The following ECE1 variants were observed in gnomAD, a reference collection of about 807,000 sequenced individuals.
ECE1 encodes the protein endothelin converting enzyme 1, also known as endothelin-converting enzyme 1.
ECE1 carries 35 observed loss-of-function variants against 98.6 expected under a neutral mutation model. The observed-to-expected ratio is 0.35, with a 90% CI of 0.27 to 0.47. The LOEUF (loss-of-function observed/expected upper bound fraction) is 0.47, where lower values mean the gene tolerates loss of function less well. Ranked by LOEUF, ECE1 falls within the 20% of genes least tolerant of loss-of-function variation. ECE1 has a pLI of 1.00. For missense variants in ECE1, 814 were observed against 1,025.3 expected, an observed-to-expected ratio of 0.79 and a Z score of 2.81; for synonymous variants, 394 against 407.1, an observed-to-expected ratio of 0.97 and a Z score of 0.39.
chr1:21,288,735 C>T (rs939819038), intron 2 of ECE1, among the ~76,000 whole-genome samples: 2 of 152,312 alleles, frequency 1.3e-5, no homozygotes, highest in Non-Finnish European at 2.9e-5. Context: ...TTCCTGCTGG[C>T]TTCAGCCTCT....
In ECE1 at chr1:21,219,240, G is replaced by C. The variant is rs3026910; in HGVS notation, c.*715C>G. 0.026 allele frequency: 3,921 copies of C among 152,744 alleles called. 87 individuals carry two copies. The highest frequency in any genetic ancestry group is 0.034 in the Non-Finnish European group (2,335 of 68,346). 9.5% of individuals were successfully genotyped at this position (152,744 alleles called of 1,614,324 possible). ...TGTTGGACTCAGGGGACGGAGGCAG[G>C]CTAGCTGAAGGGGCAGTGCCCATGA... On this transcript the variant is annotated 3_prime_UTR_variant, in exon 19 of 19. Coordinates refer to ENST00000374893, the MANE Select transcript of ECE1 (RefSeq NM_001397.3). The surrounding 1 kb of genome is among the most constrained non-coding windows in gnomAD (Gnocchi z 4.5).
chr1:21,271,070 G>A (rs895568051), intron 4 of ECE1, among the ~76,000 whole-genome samples: 1 of 152,222 alleles, frequency 6.6e-6, no homozygotes, highest in African/African-American at 2.4e-5. Flanking sequence ...GGTGGCATAA[G>A]GCAGGCAGGG....
rs1463677985 is a variant in ECE1, at chr1:21,220,470, G to T, written c.2137-339C>A. On this transcript the variant is annotated intron_variant, in intron 18 of 18. Coordinates refer to ENST00000374893, the MANE Select transcript of ECE1 (RefSeq NM_001397.3). The surrounding 1 kb of genome is among the most constrained non-coding windows in gnomAD (Gnocchi z 5.0). ...GCTGTGATTGTGCCACTGCATTCCA[G>T]CCTCGGTGATAGAGTGAGATCCTGT... Among the ~76,000 whole-genome samples the T allele has an allele frequency of 6.6e-6, 1 of 152,102 alleles. No individual in the cohort carries two copies. The highest frequency in any genetic ancestry group is 2.4e-5 in the African/African-American group (1 of 41,432).
At chr1:21,279,401 G>C in intron 2 of ECE1, 69 bp from the exon 3 acceptor site, 1 of 1,612,036 alleles carries the variant, frequency 6.2e-7, no homozygotes, top group Non-Finnish European at 8.5e-7. Context: ...TGGAGGAAGG[G>C]GTTCCGCTGC....
In ECE1 at chr1:21,283,627, G is replaced by GT. The variant is rs1223542435; in HGVS notation, c.139-4296_139-4295insA. ...AGCGTTAGCTCCAGAAGAAACCCAG[G>GT]AAGTCGGGGCATGAAGGCAAGGAGA... On this transcript the variant is annotated intron_variant, in intron 2 of 18. Transcript: ENST00000374893. Among the ~76,000 whole-genome samples the GT allele has an allele frequency of 3.3e-5, 5 of 152,276 alleles. No homozygotes were observed. The East Asian group carries it at 9.7e-4, about 29-fold the overall frequency.
At chr1:21,332,596 G>GGGA (rs1639220251) in intron 1 of ECE1, among the ~76,000 whole-genome samples, 1 of 110,476 alleles carries the variant, frequency 9.1e-6, no homozygotes, top group Non-Finnish European at 1.9e-5. Context: ...CCAGGGGGAG[G>GGGA]GGGGAGGAGG....
intron 1 of ECE1, among the ~76,000 whole-genome samples, chr1:21,314,114 G>A (rs1159988014): frequency 1.3e-5 from 2 of 152,226 alleles, no homozygotes; most frequent in Non-Finnish European, 2.9e-5. Flanking sequence ...AACCATAACA[G>A]CAACCCCACG....
intron 4 of ECE1, chr1:21,266,930 C>T (rs568958541): frequency 1.3e-5 from 2 of 152,372 alleles, no homozygotes; most frequent in South Asian, 2.1e-4. Flanking sequence ...ATCCTCACAT[C>T]GTTGAGTCAA....
intron 8 of ECE1, among the ~76,000 whole-genome samples, chr1:21,254,739 G>A (rs2098217748): frequency 6.6e-6 from 1 of 152,098 alleles, no homozygotes; most frequent in African/African-American, 2.4e-5. Context: ...GTGCCAGATG[G>A]TATCTAACAG....
At chr1:21,257,386 G>T in intron 7 of ECE1, 139 bp downstream of exon 7, 1 of 908,170 alleles carries the variant, frequency 1.1e-6, no homozygotes, top group Non-Finnish European at 1.8e-6. Context: ...TCCCCTGCCA[G>T]GGTCTGCCTG....
intron 17 of ECE1, chr1:21,222,161 C>CTGT (rs1392767397): frequency 1.1e-4 from 46 of 402,216 alleles, no homozygotes; most frequent in African/African-American, 9.0e-4. Flanking sequence ...AGAGCCACAT[C>CTGT]GTGTGTGTGC....
intron 8 of ECE1, among the ~76,000 whole-genome samples, chr1:21,250,622 T>C (rs1218602544): frequency 6.6e-6 from 1 of 152,116 alleles, no homozygotes; most frequent in Non-Finnish European, 1.5e-5. Flanking sequence ...ATCAATAAAG[T>C]AAAATTGATC....
chr1:21,275,505 G>A (rs973411389), intron 3 of ECE1, among the ~76,000 whole-genome samples: 1 of 152,318 alleles, frequency 6.6e-6, no homozygotes, highest in African/African-American at 2.4e-5. Context: ...TGAGGCAGGA[G>A]AATCTTTTGA....
In ECE1 at chr1:21,221,424, G is replaced by A. The variant is rs139906201; in HGVS notation, c.2136+323C>T. On this transcript the variant is annotated intron_variant, in intron 18 of 18. Transcript: ENST00000374893. ...TGACCTCAGGTGATCCACTTGCCTC[G>A]GCCGCCCAAAGTGCTGGGATTATAG... Among the ~76,000 whole-genome samples, 64 of 152,058 alleles carry A rather than the reference G, an allele frequency of 4.2e-4. 1 individual carries two copies. The highest frequency in any genetic ancestry group is 1.4e-3 in the African/African-American group (56 of 41,468).
chr1:21,337,787 G>A (rs964743808), intron 1 of ECE1, among the ~76,000 whole-genome samples: 6 of 152,134 alleles, frequency 3.9e-5, no homozygotes, highest in Non-Finnish European at 7.4e-5. Context: ...GAGGTGACAC[G>A]CTGTCCAAGG....
At chr1:21,332,295 A>G (rs937877906) in intron 1 of ECE1, among the ~76,000 whole-genome samples, 1 of 151,986 alleles carries the variant, frequency 6.6e-6, no homozygotes, top group African/African-American at 2.4e-5. Context: ...GGGAACGCAG[A>G]GGTGAAAAGG....
Position 21,327,620 on chromosome 1 carries a change from A to G in ECE1, c.3+17756T>C, listed in dbSNP as rs1448986464. ...GAGGGCACAAATGGAGTCTTTTGGT[A>G]TAGAGGAAAATAAAGCCTCACCTGG... On this transcript the variant is annotated intron_variant, in intron 1 of 18. Coordinates refer to the ECE1 transcript ENST00000415912. The surrounding 1 kb of genome is among the most constrained non-coding windows in gnomAD (Gnocchi z 4.6). 6.6e-6 allele frequency among the ~76,000 whole-genome samples: 1 copy of G among 152,152 alleles called. No homozygotes were observed. The highest frequency in any genetic ancestry group is 1.5e-5 in the Non-Finnish European group (1 of 68,022).
At chr1:21,256,428 T>G (rs1573974771) in intron 7 of ECE1, among the ~76,000 whole-genome samples, 1 of 151,782 alleles carries the variant, frequency 6.6e-6, no homozygotes, top group Non-Finnish European at 1.5e-5. Context: ...TAGTGGGAGG[T>G]GCCTATAATC....
Position 21,258,872 on chromosome 1 carries a change from G to A in ECE1, c.616-33C>T. On this transcript the variant is annotated intron_variant, in intron 5 of 18. Coordinates refer to ENST00000374893, the MANE Select transcript of ECE1 (RefSeq NM_001397.3). This position sits in a 1 kb window ranked among gnomAD's most constrained non-coding sequence, Gnocchi z 4.2. ...GAGGGAGAGCAGGCAGGGAGGTGAT[G>A]AGGTGGCGGGGAGACCCAGATGTGA... 7 of 1,613,428 alleles carry A rather than the reference G, an allele frequency of 4.3e-6. No homozygotes were observed. The highest frequency in any genetic ancestry group is 5.1e-6 in the Non-Finnish European group (6 of 1,179,742).
Sources: gnomAD v4.1 joint callset for allele counts (sites outside exome capture counted in the v4.1 genomes callset) on GRCh38, gnomAD v4.1.1 for gene constraint, Gnocchi (gnomAD v3.1) non-coding constraint, MANE v1.5 for transcripts, NCBI Gene and HGNC (gene_info 2026-07-23, HGNC 2026-07-21) for gene names.